The following ERI3 variants were observed in gnomAD, a reference collection of about 807,000 sequenced individuals.
ERI3 encodes ERI1 exoribonuclease family member 3, also known as ERI1 exoribonuclease 3.
In ERI3, 18 loss-of-function variants were observed where a neutral mutation model predicts 44.4. That is an observed-to-expected ratio of 0.41 (90% CI 0.28 to 0.60). The LOEUF (loss-of-function observed/expected upper bound fraction) is 0.60. Among genes scored for constraint, ERI3 ranks in the 20% least tolerant of loss-of-function variants. The probability of loss-of-function intolerance (pLI) is 0.36; values close to 1 mark genes in which losing one functional copy is unlikely to be tolerated. For synonymous variants in ERI3, 183 were observed against 164.8 expected, an observed-to-expected ratio of 1.11 and a Z score of -0.84; for missense variants, 294 against 435.5, an observed-to-expected ratio of 0.68 and a Z score of 2.89.
intron 1 of ERI3, chr1:44,354,444 C>T (rs1202622157): frequency 5.1e-6 from 5 of 985,274 alleles, no homozygotes; most frequent in Admixed American, 6.1e-5. Flanking sequence ...TTTAAGAAAA[C>T]ACCTGTTGCT....
At chr1:44,314,558 C>A (rs1173857546) in intron 4 of ERI3, among the ~76,000 whole-genome samples, 1 of 152,184 alleles carries the variant, frequency 6.6e-6, no homozygotes, top group Non-Finnish European at 1.5e-5. Flanking sequence ...CATGCCCACC[C>A]GGCTGGCACC....
chr1:44,339,373 A>T, intron 2 of ERI3, 51 bp from the exon 3 acceptor site: 1 of 1,471,026 alleles, frequency 6.8e-7, no homozygotes, highest in South Asian at 1.5e-5. Context: ...AGAAAGAAAA[A>T]AAAAAAAAGA....
intron 4 of ERI3, among the ~76,000 whole-genome samples, chr1:44,317,586 G>C (rs1371264781): frequency 6.6e-6 from 1 of 152,094 alleles, no homozygotes; most frequent in Non-Finnish European, 1.5e-5. Flanking sequence ...TGATGGGATG[G>C]AGATGGATCA....
At position 44,354,966 on chromosome 1, in the gene ERI3, C is replaced by T. The variant is rs1283310609; in HGVS notation, c.61G>A (p.Val21Ile). Residue 21 changes from valine to isoleucine, a missense_variant, in exon 1 of 9, where the codon GTC (valine) becomes ATC (isoleucine). Physicochemically the swap from Val to Ile is conservative, Grantham distance 29. This residue lies in a region of ERI3 where 107 missense variants were observed against 96.9 expected (regional missense o/e 1.10). Transcript: ENST00000372257. ...AGGGGAGGGGCGGGGGGCCAGGAGA[C>T]CAGCCCTCCTTCCCAGGGCCGCCCC... Reference protein sequence around the residue: ...GRGRPWEGGLVSWPPAPPLTL... With the variant: ...GRGRPWEGGLISWPPAPPLTL... 7.4e-7 allele frequency: 1 copy of T among 1,357,192 alleles called. No homozygotes were observed. The allele number at this position is 1,357,192 out of a possible 1,614,324, so 84.1% of individuals were successfully genotyped here. A position where few individuals can be genotyped will look rare whatever the true frequency, so the allele number is the denominator to read the frequency against.
intron 2 of ERI3, among the ~76,000 whole-genome samples, chr1:44,347,941 A>G (rs72891797): frequency 0.071 from 10,860 of 152,002 alleles, 1,295 homozygotes; most frequent in African/African-American, 0.25. Flanking sequence ...CAGAGTTTTT[A>G]AAGCCTGAGA....
At chr1:44,232,537 C>T (rs1198896692) in intron 8 of ERI3, among the ~76,000 whole-genome samples, 3 of 140,968 alleles carry the variant, frequency 2.1e-5, no homozygotes, top group African/African-American at 9.7e-5. Context: ...ACTATTCAGA[C>T]TTCTTCTTTC....
intron 7 of ERI3, among the ~76,000 whole-genome samples, chr1:44,267,605 G>C (rs1255830484): frequency 2.0e-5 from 3 of 152,152 alleles, no homozygotes; most frequent in Non-Finnish European, 4.4e-5. Flanking sequence ...ACAACTGCCG[G>C]GTAATTAGGC....
chr1:44,283,945 C>T (rs867465368), intron 7 of ERI3: 1 of 467,188 alleles, frequency 2.1e-6, no homozygotes, highest in Non-Finnish European at 4.4e-6. Flanking sequence ...GCCTCACCCC[C>T]CTTGACCTCT....
chr1:44,259,432 A>G (rs908452529), intron 7 of ERI3, among the ~76,000 whole-genome samples: 1 of 152,132 alleles, frequency 6.6e-6, no homozygotes, highest in African/African-American at 2.4e-5. Flanking sequence ...AAGGCAGGAG[A>G]TGCAGCCCAT....
intron 3 of ERI3, among the ~76,000 whole-genome samples, chr1:44,321,477 G>C (rs1646202413): frequency 2.0e-5 from 3 of 152,156 alleles, no homozygotes; most frequent in Admixed American, 2.0e-4. Flanking sequence ...TCCCCAAGAA[G>C]CATTACATAC....
intron 7 of ERI3, among the ~76,000 whole-genome samples, chr1:44,258,672 G>C (rs60803160): frequency 0.012 from 1,870 of 152,232 alleles, 72 homozygotes; most frequent in East Asian, 0.069. Flanking sequence ...GGACCCACAC[G>C]GCCTTCAGTG....
chr1:44,248,105 C>G (rs1644593078), intron 7 of ERI3, 67 bp from the exon 8 acceptor site: 2 of 1,041,156 alleles, frequency 1.9e-6, no homozygotes, highest in East Asian at 2.7e-5. Flanking sequence ...CTCACAAGGT[C>G]TTCCCCCCAC....
intron 7 of ERI3, among the ~76,000 whole-genome samples, chr1:44,249,119 C>T (rs949375304): frequency 6.6e-6 from 1 of 152,194 alleles, no homozygotes; most frequent in Non-Finnish European, 1.5e-5. Context: ...TGGGCTTCTC[C>T]GGGTAGGCCT....
At chr1:44,230,997 T>G (rs1644170420) in intron 8 of ERI3, among the ~76,000 whole-genome samples, 1 of 152,264 alleles carries the variant, frequency 6.6e-6, no homozygotes, top group Non-Finnish European at 1.5e-5. Flanking sequence ...TTTTTCAGAT[T>G]GTGCAATATT....
chr1:44,296,100 G>C (rs1645605551), intron 6 of ERI3, among the ~76,000 whole-genome samples: 1 of 152,086 alleles, frequency 6.6e-6, no homozygotes, highest in Non-Finnish European at 1.5e-5. Context: ...TTTATCCCTG[G>C]GGAAAGGAAG....
intron 8 of ERI3, among the ~76,000 whole-genome samples, chr1:44,226,186 A>G (rs868538113): frequency 1.8e-4 from 27 of 152,140 alleles, no homozygotes; most frequent in Middle Eastern, 3.4e-3. Context: ...GAGTGTCCAA[A>G]TAAGTTTATC....
At chr1:44,335,422 T>G (rs1361879503) in intron 3 of ERI3, among the ~76,000 whole-genome samples, 2 of 151,148 alleles carry the variant, frequency 1.3e-5, no homozygotes, top group Non-Finnish European at 2.9e-5. Context: ...ATGGTTCTCA[T>G]TCATAAGCCC....
chr1:44,324,862 A>T lies in ERI3; in HGVS notation c.490-5118T>A, dbSNP rs368484641. Among the ~76,000 whole-genome samples the T allele has an allele frequency of 5.9e-5, 9 of 152,274 alleles. No individual in the cohort carries two copies. In the East Asian group the frequency reaches 1.4e-3, roughly 23 times the overall value. On this transcript the variant is annotated intron_variant, in intron 3 of 8. Transcript: ENST00000372257. Reference sequence around the variant, plus strand: ...TGGGCTGTCTGCCAACGGTGGATGAAAACTGGCCATAACTTAACAGCTAAG... The same window carrying T: ...TGGGCTGTCTGCCAACGGTGGATGATAACTGGCCATAACTTAACAGCTAAG...
chr1:44,354,392 G>A, intron 1 of ERI3: 1 of 985,432 alleles, frequency 1.0e-6, no homozygotes, highest in Non-Finnish European at 1.2e-6. Context: ...GTTATATTTT[G>A]CAAGAACTCG....
Sources: allele counts gnomAD v4.1 joint callset (sites outside exome capture counted in the v4.1 genomes callset), GRCh38; gene constraint gnomAD v4.1.1; regional missense constraint gnomAD v4.1.1; transcripts MANE v1.5; gene names NCBI Gene and HGNC (gene_info 2026-07-23, HGNC 2026-07-21).